The following COL5A2 variants were observed in gnomAD, a reference collection of about 807,000 sequenced individuals.
The protein encoded by COL5A2 is collagen type V alpha 2 chain.
COL5A2 carries 23 observed loss-of-function variants against 208.2 expected under a neutral mutation model. That is an observed-to-expected ratio of 0.11 (90% CI 0.08 to 0.16). The LOEUF (loss-of-function observed/expected upper bound fraction) is 0.16. Among genes scored for constraint, COL5A2 ranks in the 10% least tolerant of loss-of-function variants. The pLI, the probability that COL5A2 is intolerant of heterozygous loss-of-function variation, is 1.00. For synonymous variants in COL5A2, 625 were observed against 628.5 expected, an observed-to-expected ratio of 0.99 and a Z score of 0.08; for missense variants, 1,590 against 1,956.4, an observed-to-expected ratio of 0.81 and a Z score of 3.53.
the COL5A2 span, among the ~76,000 whole-genome samples, chr2:189,266,096 G>A: frequency 6.6e-6 from 1 of 152,100 alleles, no homozygotes; most frequent in African/African-American, 2.4e-5. Flanking sequence ...TATTCATGTG[G>A]TATATCCATG....
At chr2:189,108,796 T>C (rs1687201005) in intron 2 of COL5A2, among the ~76,000 whole-genome samples, 3 of 151,870 alleles carry the variant, frequency 2.0e-5, no homozygotes, top group Non-Finnish European at 4.4e-5. Flanking sequence ...TAATTCATTA[T>C]TTTCCTATTC....
At chr2:189,214,429 A>G (rs1295085337) in intron 1 of COL5A2, among the ~76,000 whole-genome samples, 2 of 152,082 alleles carry the variant, frequency 1.3e-5, no homozygotes, top group East Asian at 3.8e-4. Context: ...AAAACAATAC[A>G]TATATCCTTA....
chr2:189,361,782 G>A, the COL5A2 span, among the ~76,000 whole-genome samples: 3 of 151,478 alleles, frequency 2.0e-5, no homozygotes, highest in African/African-American at 4.8e-5. Context: ...TCTATTATAG[G>A]TATTTGCTTC....
At position 189,063,196 on chromosome 2, in the gene COL5A2, G is replaced by A; in HGVS notation, c.1845C>T (p.Gly615=). Reference sequence around the variant, plus strand: ...CACTGCTACCTTTGGGGCCTGGAAGGCCCATGCTCCCGGGCTGCCCTCTGA... The same window carrying A: ...CACTGCTACCTTTGGGGCCTGGAAGACCCATGCTCCCGGGCTGCCCTCTGA... The part of the protein sequence containing the change: ...IGIRGQPGSM[G]LPGPKGSSGD... Residue 615 remains glycine (G), a synonymous_variant, in exon 27 of 54, where the codon GGC becomes GGT. Coordinates refer to ENST00000374866, the MANE Select transcript of COL5A2 (RefSeq NM_000393.5). 2 of 1,614,130 alleles carry A rather than the reference G, an allele frequency of 1.2e-6. No individual in the cohort carries two copies.
chr2:189,409,734 C>T, the COL5A2 span, among the ~76,000 whole-genome samples: 4 of 152,058 alleles, frequency 2.6e-5, no homozygotes, highest in Non-Finnish European at 5.9e-5. Flanking sequence ...GACAAATTAA[C>T]CAATTATTTT....
the COL5A2 span, among the ~76,000 whole-genome samples, chr2:189,357,961 C>T: frequency 6.6e-6 from 1 of 152,142 alleles, no homozygotes; most frequent in South Asian, 2.1e-4. Flanking sequence ...CTCACGGCTT[C>T]CCTTGGCTAG....
the COL5A2 span, among the ~76,000 whole-genome samples, chr2:189,275,630 T>G: frequency 8.0e-4 from 121 of 152,186 alleles, no homozygotes; most frequent in African/African-American, 2.8e-3. Context: ...TTTTTGTATT[T>G]TTAGTAGAGA....
the COL5A2 span, among the ~76,000 whole-genome samples, chr2:189,239,689 C>T: frequency 7.9e-5 from 12 of 151,338 alleles, no homozygotes; most frequent in East Asian, 2.2e-3. Flanking sequence ...TTAATGGGTG[C>T]AGCACACCAG....
At chr2:189,365,731 A>G in the COL5A2 span, among the ~76,000 whole-genome samples, 1 of 152,222 alleles carries the variant, frequency 6.6e-6, no homozygotes, top group Non-Finnish European at 1.5e-5. Flanking sequence ...TTAAAGTTCA[A>G]AACTCCCCTG....
At chr2:189,330,474 G>A in the COL5A2 span, among the ~76,000 whole-genome samples, 4 of 152,172 alleles carry the variant, frequency 2.6e-5, no homozygotes, top group African/African-American at 9.7e-5. Flanking sequence ...AACCCAGAAA[G>A]CTGAAATAAT....
At chr2:189,371,293 C>T in the COL5A2 span, among the ~76,000 whole-genome samples, 3 of 152,120 alleles carry the variant, frequency 2.0e-5, no homozygotes, top group Admixed American at 6.5e-5. Flanking sequence ...TGTAGCAACG[C>T]AAAAACTGAC....
the COL5A2 span, among the ~76,000 whole-genome samples, chr2:189,322,801 G>C: frequency 6.6e-6 from 1 of 152,184 alleles, no homozygotes; most frequent in Non-Finnish European, 1.5e-5. Context: ...AATAGAAAAA[G>C]AGGGAATCCT....
intron 1 of COL5A2, among the ~76,000 whole-genome samples, chr2:189,154,204 AT>A (rs1201121601): frequency 6.6e-6 from 1 of 152,180 alleles, no homozygotes; most frequent in Admixed American, 6.5e-5. Flanking sequence ...CAGAAACTCT[AT>A]TTTTTATTCT....
chr2:189,351,558 T>A, the COL5A2 span, among the ~76,000 whole-genome samples: 1 of 152,210 alleles, frequency 6.6e-6, no homozygotes, highest in Non-Finnish European at 1.5e-5. Flanking sequence ...TATGTGTATA[T>A]AAATAAACAG....
intron 1 of COL5A2, among the ~76,000 whole-genome samples, chr2:189,214,396 G>A (rs1168781585): frequency 1.3e-5 from 2 of 151,962 alleles, no homozygotes; most frequent in Non-Finnish European, 2.9e-5. Flanking sequence ...TTCATGTCAT[G>A]TTAGACACAA....
intron 23 of COL5A2, among the ~76,000 whole-genome samples, chr2:189,065,343 A>G (rs1416009010): frequency 6.6e-6 from 1 of 152,212 alleles, no homozygotes; most frequent in Non-Finnish European, 1.5e-5. Context: ...CAGCCTGGCC[A>G]ACGTGGTGAA....
intron 1 of COL5A2, among the ~76,000 whole-genome samples, chr2:189,175,102 T>C (rs1026889882): frequency 1.3e-5 from 2 of 152,188 alleles, no homozygotes; most frequent in Non-Finnish European, 2.9e-5. Flanking sequence ...GTAGGGACCA[T>C]AAAACTCCTA....
At chr2:189,419,246 C>T in the COL5A2 span, among the ~76,000 whole-genome samples, 3 of 152,176 alleles carry the variant, frequency 2.0e-5, no homozygotes, top group Non-Finnish European at 4.4e-5. Context: ...ATCTCCTAGT[C>T]TACCAATGTA....
intron 2 of COL5A2, among the ~76,000 whole-genome samples, chr2:189,105,611 GTGAATTGAGT>G (rs1216798339): frequency 6.6e-6 from 1 of 151,016 alleles, no homozygotes; most frequent in African/African-American, 2.4e-5. Flanking sequence ...TTAATTCTTT[GTGAATTGAGT>G]TGCAAACATT....
Sources: gnomAD v4.1 joint callset for allele counts (sites outside exome capture counted in the v4.1 genomes callset) on GRCh38, gnomAD v4.1.1 for gene constraint, MANE v1.5 for transcripts, NCBI Gene and HGNC (gene_info 2026-07-23, HGNC 2026-07-21) for gene names.